PRKCQ: variants seen among roughly 807,000 people sequenced by gnomAD.
PRKCQ encodes the protein protein kinase C theta type.
PRKCQ carries 41 observed loss-of-function variants against 91.2 expected under a neutral mutation model. The ratio of observed to expected loss-of-function variants is 0.45; its 90% CI spans 0.35 to 0.58. The LOEUF is 0.58. Ranked by LOEUF, PRKCQ falls within the 20% of genes least tolerant of loss-of-function variation. The pLI is 0.00. For missense variants in PRKCQ, 673 were observed against 896.5 expected (o/e 0.75, Z 3.18); for synonymous variants, 307 against 316.9 (o/e 0.97, Z 0.33).
At chr10:6,457,691 CTGAT>C (rs767568905) in intron 14 of PRKCQ, among the ~76,000 whole-genome samples, 4 of 152,162 alleles carry the variant, frequency 2.6e-5, no homozygotes, top group Non-Finnish European at 5.9e-5. Context: ...GAGAGACAAT[CTGAT>C]TGGTGCAGGT....
chr10:6,541,341 C>T (rs1319615072), intron 1 of PRKCQ, among the ~76,000 whole-genome samples: 1 of 152,208 alleles, frequency 6.6e-6, no homozygotes, highest in Admixed American at 6.5e-5. Context: ...TCTACTGACC[C>T]TTTGAGTTTT....
intron 16 of PRKCQ, among the ~76,000 whole-genome samples, chr10:6,434,621 G>C (rs1427488686): frequency 1.3e-5 from 2 of 152,180 alleles, no homozygotes; most frequent in Non-Finnish European, 2.9e-5. Flanking sequence ...GATTTTGTCT[G>C]TAAAAGCTGT....
intron 12 of PRKCQ, among the ~76,000 whole-genome samples, chr10:6,470,815 G>A (rs956066346): frequency 6.6e-6 from 1 of 152,070 alleles, no homozygotes; most frequent in African/African-American, 2.4e-5. Context: ...GCCAGGCATG[G>A]TGGCACACAC....
downstream of PRKCQ, among the ~76,000 whole-genome samples, chr10:6,425,217 T>G (rs1833086537): frequency 7.0e-6 from 1 of 143,780 alleles, no homozygotes; most frequent in Non-Finnish European, 1.5e-5. Context: ...GCCTCAGGTC[T>G]CTCCTCTATT....
intron 1 of PRKCQ, among the ~76,000 whole-genome samples, chr10:6,567,013 T>G (rs574043011): frequency 2.0e-5 from 3 of 152,184 alleles, no homozygotes; most frequent in South Asian, 2.1e-4. Flanking sequence ...ACCTCCTCAA[T>G]CCAAGGTTCC....
intron 1 of PRKCQ, among the ~76,000 whole-genome samples, chr10:6,560,600 T>G (rs1840591877): frequency 6.6e-6 from 1 of 152,220 alleles, no homozygotes; most frequent in East Asian, 1.9e-4. Flanking sequence ...TTCTCCGTAT[T>G]CATTTTCAGG....
intron 16 of PRKCQ, among the ~76,000 whole-genome samples, chr10:6,438,408 G>A (rs996511666): frequency 6.6e-6 from 1 of 152,182 alleles, no homozygotes; most frequent in African/African-American, 2.4e-5. Flanking sequence ...TAGAACCCAT[G>A]GATAGCTTCC....
In PRKCQ at chr10:6,447,235, T is replaced by C. The variant is rs550819356; in HGVS notation, c.1648-5154A>G. ...CATCCTGGCCAACATGGTGAAACCC[T>C]GTCTCTACTAAAAATACATAAATTA... is the stretch of plus-strand genomic sequence containing the variant. On this transcript the variant is annotated intron_variant, in intron 15 of 17. Transcript: ENST00000263125. 2.0e-5 allele frequency among the ~76,000 whole-genome samples: 3 copies of C among 152,144 alleles called. No homozygotes were observed. The South Asian group carries it at 6.2e-4, about 32-fold the overall frequency.
intron 15 of PRKCQ, among the ~76,000 whole-genome samples, chr10:6,455,900 A>G (rs1798779513): frequency 1.3e-5 from 2 of 152,186 alleles, no homozygotes; most frequent in African/African-American, 4.8e-5. Context: ...GTGAATATGA[A>G]TCTGTCCATG....
At chr10:6,491,550 C>T (rs1044722499) in intron 8 of PRKCQ, 133 bp downstream of exon 8, 11 of 1,260,136 alleles carry the variant, frequency 8.7e-6, no homozygotes, top group South Asian at 3.1e-5. Context: ...GAAGACCATA[C>T]TTATGATCAT....
chr10:6,482,629 G>C (rs1250879491), intron 11 of PRKCQ, among the ~76,000 whole-genome samples: 2 of 152,148 alleles, frequency 1.3e-5, no homozygotes. Flanking sequence ...GTGAGATTTT[G>C]TTATAGCAGC....
the PRKCQ span, among the ~76,000 whole-genome samples, chr10:6,404,263 A>G: frequency 5.0e-5 from 7 of 139,994 alleles, no homozygotes; most frequent in African/African-American, 1.9e-4. Context: ...GGGGAGAGAG[A>G]GAGAGAGAGA....
intron 15 of PRKCQ, among the ~76,000 whole-genome samples, chr10:6,453,811 T>C (rs1459915264): frequency 3.3e-5 from 5 of 151,646 alleles, no homozygotes; most frequent in Non-Finnish European, 1.5e-5. Context: ...CTCAGTAAAC[T>C]ATCGCAAGGA....
chr10:6,476,012 G>C (rs773061532), intron 12 of PRKCQ, among the ~76,000 whole-genome samples: 11 of 152,220 alleles, frequency 7.2e-5, no homozygotes, highest in African/African-American at 1.9e-4. Context: ...TCAGGTCTTG[G>C]TAAAGCATCC....
intron 1 of PRKCQ, among the ~76,000 whole-genome samples, chr10:6,522,926 C>A (rs1005303751): frequency 1.3e-5 from 2 of 152,028 alleles, no homozygotes; most frequent in Non-Finnish European, 2.9e-5. Context: ...ATAGCTTTTG[C>A]ATTTCTTTAT....
At position 6,491,785 on chromosome 10, in the gene PRKCQ, T is replaced by C. The variant is rs1588755002; in HGVS notation, c.688A>G (p.Met230Val). 5 of 1,614,214 alleles carry C rather than the reference T, an allele frequency of 3.1e-6. No homozygotes were observed. In the East Asian group the frequency reaches 8.9e-5, roughly 29 times the overall value. Residue 230 changes from methionine to valine, a missense_variant, in exon 8 of 18, where the codon ATG becomes GTG. By Grantham distance (21) the Met-to-Val change is conservative. Coordinates refer to ENST00000263125, the MANE Select transcript of PRKCQ (RefSeq NM_006257.5). ...MFHKERFKID[M>V]PHRFKVYNYK... ...TTGTAGACTTTAAATCTGTGTGGCA[T>C]GTCAATTTTGAATCTCTCCTTGTGG...
chr10:6,472,026 G>C (rs1221293836), intron 12 of PRKCQ, among the ~76,000 whole-genome samples: 2 of 151,916 alleles, frequency 1.3e-5, no homozygotes, highest in African/African-American at 4.8e-5. Flanking sequence ...GGGCGTGTAG[G>C]GGCCGGGCGC....
At chr10:6,416,935 C>A in the PRKCQ span, among the ~76,000 whole-genome samples, 3 of 152,260 alleles carry the variant, frequency 2.0e-5, no homozygotes, top group South Asian at 6.2e-4. Context: ...TATGATTCTT[C>A]TTCTTATTTC....
intron 12 of PRKCQ, among the ~76,000 whole-genome samples, chr10:6,471,374 G>A (rs1031492618): frequency 2.0e-5 from 3 of 152,222 alleles, no homozygotes; most frequent in African/African-American, 4.8e-5. Flanking sequence ...AAGCCTGAGC[G>A]TCTGAATGAC....
Sources: allele counts gnomAD v4.1 joint callset (sites outside exome capture counted in the v4.1 genomes callset), GRCh38; gene constraint gnomAD v4.1.1; transcripts MANE v1.5; gene names NCBI Gene and HGNC (gene_info 2026-07-23, HGNC 2026-07-21).